Variants in KMT2C observed in about 807,000 individuals in gnomAD.
KMT2C encodes the protein lysine methyltransferase 2C.
Under a neutral mutation model 507.9 loss-of-function variants are expected in KMT2C, and 88 were observed. That is an observed-to-expected ratio of 0.17 (90% CI 0.15 to 0.21). The LOEUF (loss-of-function observed/expected upper bound fraction) is 0.21, where lower values mean the gene tolerates loss of function less well. Among genes scored for constraint, KMT2C ranks in the 10% least tolerant of loss-of-function variants. The pLI, the probability that KMT2C is intolerant of heterozygous loss-of-function variation, is 1.00. For missense variants in KMT2C, 4,954 were observed against 5,957.8 expected (o/e 0.83, Z 5.55); for synonymous variants, 2,049 against 2,080.8 (o/e 0.98, Z 0.42).
At chr7:152,142,647 C>T (rs1292383978) in intron 55 of KMT2C, among the ~76,000 whole-genome samples, 2 of 152,170 alleles carry the variant, frequency 1.3e-5, no homozygotes, top group East Asian at 3.8e-4. Flanking sequence ...GATATAGCAA[C>T]ACTGTTTGTT....
intron 2 of KMT2C, among the ~76,000 whole-genome samples, chr7:152,356,846 G>A (rs985092302): frequency 9.1e-4 from 131 of 144,030 alleles, no homozygotes; most frequent in African/African-American, 3.1e-3. Flanking sequence ...AGCTGAGATC[G>A]CACCACTGCA....
chr7:152,308,714 C>T (rs567897537), intron 6 of KMT2C, among the ~76,000 whole-genome samples: 1 of 141,274 alleles, frequency 7.1e-6, no homozygotes, highest in East Asian at 2.1e-4. Context: ...AGGCCAGGCA[C>T]AGTAGCTCAC....
At chr7:152,211,369 A>G (rs1436493258) in intron 23 of KMT2C, among the ~76,000 whole-genome samples, 1 of 152,214 alleles carries the variant, frequency 6.6e-6, no homozygotes, top group African/African-American at 2.4e-5. Context: ...TATACGTTCC[A>G]CCCAAATAGA....
At chr7:152,368,436 G>A (rs1383377990) in intron 1 of KMT2C, 1 of 1,161,938 alleles carries the variant, frequency 8.6e-7, no homozygotes, top group African/African-American at 1.5e-5. Context: ...AGGTGTTAGA[G>A]ATGAAGGTCA....
chr7:152,218,350 G>C (rs1485517119), intron 23 of KMT2C, among the ~76,000 whole-genome samples: 1 of 152,048 alleles, frequency 6.6e-6, no homozygotes, highest in Non-Finnish European at 1.5e-5. Context: ...TTTTAGTAGA[G>C]ATGAGGTTTT....
intron 2 of KMT2C, among the ~76,000 whole-genome samples, chr7:152,335,784 C>A (rs2096928334): frequency 6.6e-6 from 1 of 152,018 alleles, no homozygotes; most frequent in Admixed American, 6.6e-5. Context: ...CAAATAAGAG[C>A]CAGAAGGAAA....
chr7:152,259,314 A>AT (rs1210089837), intron 9 of KMT2C, among the ~76,000 whole-genome samples: 5 of 152,048 alleles, frequency 3.3e-5, no homozygotes, highest in African/African-American at 1.2e-4. Flanking sequence ...CAGGATTGTG[A>AT]TTTTTTAAGA....
At chr7:152,267,763 T>A (rs1178824937) in intron 7 of KMT2C, among the ~76,000 whole-genome samples, 1 of 152,140 alleles carries the variant, frequency 6.6e-6, no homozygotes, top group African/African-American at 2.4e-5. Flanking sequence ...ACTCCACCAA[T>A]ACCTCATTTT....
chr7:152,307,627 G>C (rs184705114), intron 6 of KMT2C, among the ~76,000 whole-genome samples: 107 of 152,268 alleles, frequency 7.0e-4, no homozygotes, highest in African/African-American at 2.4e-3. Context: ...GGGATGCAAT[G>C]TCTCCTAAGG....
intron 1 of KMT2C, among the ~76,000 whole-genome samples, chr7:152,413,733 A>T (rs1453667460): frequency 6.6e-6 from 1 of 151,898 alleles, no homozygotes; most frequent in Non-Finnish European, 1.5e-5. Flanking sequence ...AAAAATACAA[A>T]AATTAGCCAG....
At chr7:152,201,617 GAAAAAAAAAAAAAAA>G (rs745427209) in intron 26 of KMT2C, among the ~76,000 whole-genome samples, 6 of 22,874 alleles carry the variant, frequency 2.6e-4, no homozygotes, top group Non-Finnish European at 1.1e-3. Context: ...CAACAAAGAT[GAAAAAAAAAAAAAAA>G]AAAAAAAAAA....
chr7:152,320,157 T>C (rs920926452), intron 3 of KMT2C, among the ~76,000 whole-genome samples: 11 of 152,076 alleles, frequency 7.2e-5, no homozygotes, highest in African/African-American at 2.7e-4. Context: ...TTTATACATG[T>C]CTCCCATCCC....
chr7:152,407,971 T>G (rs2097637516), intron 1 of KMT2C, among the ~76,000 whole-genome samples: 1 of 152,310 alleles, frequency 6.6e-6, no homozygotes, highest in Non-Finnish European at 1.5e-5. Context: ...TATACTTCAG[T>G]ATTATTTAGC....
chr7:152,330,542 T>C (rs2096873045), intron 3 of KMT2C, 59 bp downstream of exon 3: 1 of 1,521,134 alleles, frequency 6.6e-7, no homozygotes, highest in Non-Finnish European at 9.1e-7. Context: ...TTCTCTATAG[T>C]CATTTCACTG....
At chr7:152,247,387 C>T (rs1439411024) in intron 14 of KMT2C, among the ~76,000 whole-genome samples, 1 of 152,030 alleles carries the variant, frequency 6.6e-6, no homozygotes, top group African/African-American at 2.4e-5. Context: ...ATAAGTCCTA[C>T]TTGAAAAAAG....
At chr7:152,360,940 T>TA (rs35541469) in intron 1 of KMT2C, among the ~76,000 whole-genome samples, 11,393 of 144,218 alleles carry the variant, frequency 0.079, 910 homozygotes, top group African/African-American at 0.23. Context: ...TAACCAAAAA[T>TA]AAAAAAAAGG....
At chr7:152,252,343 T>C (rs1439101773) in intron 10 of KMT2C, among the ~76,000 whole-genome samples, 8 of 152,230 alleles carry the variant, frequency 5.3e-5, no homozygotes. Flanking sequence ...TCATTTCTGA[T>C]GTGGTCTGGT....
chr7:152,147,570 G>A (rs777100067), intron 52 of KMT2C, among the ~76,000 whole-genome samples: 1 of 151,852 alleles, frequency 6.6e-6, no homozygotes, highest in Non-Finnish European at 1.5e-5. Context: ...AGCCGGGCAT[G>A]GTAGCGCAAG....
intron 31 of KMT2C, among the ~76,000 whole-genome samples, chr7:152,193,243 T>C (rs2093859357): frequency 6.6e-6 from 1 of 152,326 alleles, no homozygotes; most frequent in East Asian, 1.9e-4. Flanking sequence ...AACTCCTTCC[T>C]ATAGATTCCC....
Sources: allele counts gnomAD v4.1 joint callset (sites outside exome capture counted in the v4.1 genomes callset), GRCh38; gene constraint gnomAD v4.1.1; transcripts MANE v1.5; gene names NCBI Gene and HGNC (gene_info 2026-07-23, HGNC 2026-07-21).